The following PGM3 variants were observed in gnomAD, a reference collection of about 807,000 sequenced individuals.
The protein encoded by PGM3 is phosphoacetylglucosamine mutase.
PGM3 carries 40 observed loss-of-function variants against 66.2 expected under a neutral mutation model. The ratio of observed to expected loss-of-function variants is 0.60; its 90% CI spans 0.47 to 0.79. The LOEUF (loss-of-function observed/expected upper bound fraction) is 0.79. Ranked by LOEUF, PGM3 falls within the 30% of genes least tolerant of loss-of-function variation. The pLI, the probability that PGM3 is intolerant of heterozygous loss-of-function variation, is 0.00. For synonymous variants in PGM3, 191 were observed against 224.2 expected, an observed-to-expected ratio of 0.85 and a Z score of 1.32; for missense variants, 537 against 643.4, an observed-to-expected ratio of 0.83 and a Z score of 1.79.
At chr6:83,176,467 A>G (rs1787779467) in intron 8 of PGM3, among the ~76,000 whole-genome samples, 1 of 152,246 alleles carries the variant, frequency 6.6e-6, no homozygotes, top group South Asian at 2.1e-4. Context: ...TTACTCTGCC[A>G]TTACAGTGCA....
At chr6:83,169,362 T>C (rs1432104763) in intron 12 of PGM3, 39 bp from the exon 13 acceptor site, 2 of 1,609,224 alleles carry the variant, frequency 1.2e-6, no homozygotes, top group African/African-American at 1.3e-5. Flanking sequence ...GAGAAAGACA[T>C]AGCATGTGTC....
chr6:83,193,514 G>A (rs1789358769), upstream of PGM3: 2 of 152,160 alleles, frequency 1.3e-5, no homozygotes, highest in African/African-American at 2.4e-5. Flanking sequence ...CGGCCGCGGA[G>A]GCACAGCCTC....
the PGM3 span, chr6:83,148,772 A>C: frequency 6.4e-7 from 1 of 1,553,348 alleles, no homozygotes; most frequent in Non-Finnish European, 8.6e-7. Flanking sequence ...TCCAGTGCCC[A>C]ATTTAGTGGA....
chr6:83,158,629 T>C, downstream of PGM3: 1 of 1,593,984 alleles, frequency 6.3e-7, no homozygotes, highest in Non-Finnish European at 8.6e-7. Flanking sequence ...CACGGTAATA[T>C]GTAATTTAAA....
chr6:83,175,341 C>G (rs1787677842), intron 9 of PGM3, among the ~76,000 whole-genome samples: 4 of 152,060 alleles, frequency 2.6e-5, no homozygotes. Context: ...CTTATTTTTC[C>G]CCTTTTTATA....
At chr6:83,190,551 T>C (rs1788965853) in intron 2 of PGM3, 1 of 468,472 alleles carries the variant, frequency 2.1e-6, no homozygotes, top group African/African-American at 2.0e-5. Context: ...AATCAATAAA[T>C]TTGGAAGGAC....
At chr6:83,188,362 AG>A in intron 3 of PGM3, 1 of 325,976 alleles carries the variant, frequency 3.1e-6, no homozygotes, top group Admixed American at 4.4e-5. Context: ...CTCTTGTGTC[AG>A]GAAGTATTTT....
At chr6:83,179,708 G>T (rs1788034214) in intron 7 of PGM3, 102 bp downstream of exon 7, 3 of 873,150 alleles carry the variant, frequency 3.4e-6, no homozygotes, top group Non-Finnish European at 1.7e-6. Context: ...CTAATGTAAA[G>T]AATTTGTCAT....
At chr6:83,162,819 C>T, downstream of PGM3, 1 of 1,613,324 alleles carries the variant, frequency 6.2e-7, no homozygotes, top group Non-Finnish European at 8.5e-7. Context: ...CCAGAAGCCT[C>T]AGATGATTCA....
downstream of PGM3, among the ~76,000 whole-genome samples, chr6:83,157,633 G>T (rs1240305233): frequency 1.3e-5 from 2 of 152,188 alleles, no homozygotes; most frequent in Non-Finnish European, 2.9e-5. Context: ...GACAATAGCA[G>T]CTGGACCCAT....
chr6:83,185,619 T>G (rs1022752963), intron 4 of PGM3, among the ~76,000 whole-genome samples: 3 of 151,754 alleles, frequency 2.0e-5, no homozygotes, highest in African/African-American at 7.3e-5. Context: ...ATTATCCAGG[T>G]GTGGTGGCAT....
the PGM3 span, among the ~76,000 whole-genome samples, chr6:83,155,110 AAAG>A: frequency 3.9e-5 from 6 of 152,164 alleles, no homozygotes; most frequent in Non-Finnish European, 8.8e-5. Context: ...AGGTGAAACT[AAAG>A]AAGCCAACCA....
At chr6:83,179,999 AG>A in intron 6 of PGM3, 32 bp from the exon 7 acceptor site, 1 of 1,523,094 alleles carries the variant, frequency 6.6e-7, no homozygotes, top group Non-Finnish European at 8.9e-7. Context: ...CATGCATTTC[AG>A]TCTAAGAATT....
chr6:83,175,885 T>C, intron 9 of PGM3, 77 bp downstream of exon 9: 1 of 764,558 alleles, frequency 1.3e-6, no homozygotes, highest in Non-Finnish European at 2.4e-6. Flanking sequence ...ATATTACCTA[T>C]TATTACCTCC....
intron 8 of PGM3, 50 bp from the exon 9 acceptor site, chr6:83,176,110 G>T: frequency 9.8e-7 from 1 of 1,017,670 alleles, no homozygotes; most frequent in Non-Finnish European, 1.6e-6. Context: ...GATGTCAAAT[G>T]TTTCTTGCAT....
At position 83,190,850 on chromosome 6, in the gene PGM3, A is replaced by AT. The variant is rs764377394; in HGVS notation, c.162dup (p.Ser55IlefsTer14). ...GCTGTTACCATGACTCCTATAGTGG[A>AT]TTTTGTCTGTTTTGACCTCAGGACA... is the stretch of plus-strand genomic sequence containing the variant. On this transcript the variant is annotated frameshift_variant, in exon 2 of 13. Coordinates refer to ENST00000513973, the MANE Select transcript of PGM3 (RefSeq NM_015599.3). LOFTEE classifies it high-confidence loss of function. 1.2e-6 allele frequency: 2 copies of AT among 1,613,898 alleles called. No individual in the cohort carries two copies. The highest frequency in any genetic ancestry group is 2.7e-5 in the African/African-American group (2 of 74,892).
chr6:83,171,001 TA>T, intron 11 of PGM3: 1 of 152,798 alleles, frequency 6.5e-6, no homozygotes, highest in East Asian at 1.9e-4. Flanking sequence ...TAATGCAGAG[TA>T]AGTACTTTCA....
rs757835379 is a variant in PGM3, at chr6:83,181,730, A to C, written c.787+6T>G. On this transcript the variant is annotated splice_donor_region_variant and intron_variant, in intron 6 of 12. Transcript: ENST00000513973. ...AACAAATTTTTGCAGTGCTAGTACGACATACCCTGTGGAGGTTTCTGATGA... is the reference window on the plus strand; with the variant it reads ...AACAAATTTTTGCAGTGCTAGTACGCCATACCCTGTGGAGGTTTCTGATGA... The C allele has an allele frequency of 6.2e-7, 1 of 1,603,866 alleles. No homozygotes were observed. The highest frequency in any genetic ancestry group is 8.5e-7 in the Non-Finnish European group (1 of 1,175,662).
In PGM3 at chr6:83,169,236, A is replaced by C. The variant is rs1380876075; in HGVS notation, c.1627T>G (p.Ter543GlyextTer2). The change falls in exon 13 of 13, where the codon TGA becomes GGA. Residue 543 changes from the stop codon to glycine (G), a stop_lost. Transcript: ENST00000513973. Reference sequence around the variant, plus strand: ...TCTCAGGAATATGAAAATTATCTTCAGAAACCTGGTTGGGGCCTTTCTCCA... The same window carrying C: ...TCTCAGGAATATGAAAATTATCTTCCGAAACCTGGTTGGGGCCTTTCTCCA... Reference protein sequence around the residue: ...GIGERPQPGF* With the variant: ...GIGERPQPGFG 6.2e-7 allele frequency: 1 copy of C among 1,614,066 alleles called. No individual in the cohort carries two copies. The highest frequency in any genetic ancestry group is 1.1e-5 in the South Asian group (1 of 91,058).
Sources: gnomAD v4.1 joint callset for allele counts (sites outside exome capture counted in the v4.1 genomes callset) on GRCh38, gnomAD v4.1.1 for gene constraint, MANE v1.5 for transcripts, NCBI Gene and HGNC (gene_info 2026-07-23, HGNC 2026-07-21) for gene names.